EPYC: variants seen among roughly 807,000 people sequenced by gnomAD.
The protein encoded by EPYC is dermatan sulfate proteoglycan 3.
In EPYC, 28 loss-of-function variants were observed where a neutral mutation model predicts 30.1. That is an observed-to-expected ratio of 0.93 (90% CI 0.69 to 1.28). The LOEUF is 1.28. EPYC is among the 50% of genes most tolerant of loss of function. EPYC has a pLI of 0.00. For missense variants in EPYC, 382 were observed against 383.5 expected (o/e 1.00, Z 0.03); for synonymous variants, 144 against 141.4 (o/e 1.02, Z -0.13).
At chr12:90,968,132 G>C (rs1876946750) in intron 6 of EPYC, among the ~76,000 whole-genome samples, 1 of 152,016 alleles carries the variant, frequency 6.6e-6, no homozygotes, top group Non-Finnish European at 1.5e-5. Context: ...TATTGACCCT[G>C]ATGTATTAAC....
At chr12:90,994,858 T>G (rs975512545) in intron 2 of EPYC, among the ~76,000 whole-genome samples, 4 of 152,168 alleles carry the variant, frequency 2.6e-5, no homozygotes, top group Non-Finnish European at 5.9e-5. Flanking sequence ...ATTAAGGTTT[T>G]CATTAAACAA....
intron 6 of EPYC, among the ~76,000 whole-genome samples, chr12:90,969,466 A>C (rs184645465): frequency 6.6e-6 from 1 of 152,178 alleles, no homozygotes; most frequent in Admixed American, 6.5e-5. Context: ...GAATACTTCA[A>C]AGATAACATG....
At chr12:90,986,415 A>G (rs779140400) in intron 2 of EPYC, among the ~76,000 whole-genome samples, 19 of 152,170 alleles carry the variant, frequency 1.2e-4, no homozygotes, top group Non-Finnish European at 2.5e-4. Flanking sequence ...AGTATAGACT[A>G]GTGCAAAATC....
chr12:90,995,593 A>G (rs1181526807), intron 2 of EPYC, among the ~76,000 whole-genome samples: 1 of 151,906 alleles, frequency 6.6e-6, no homozygotes, highest in Non-Finnish European at 1.5e-5. Context: ...TCCTTATCAA[A>G]TGGTTACAAT....
At chr12:90,971,582 G>A (rs1010127888) in intron 5 of EPYC, among the ~76,000 whole-genome samples, 3 of 151,822 alleles carry the variant, frequency 2.0e-5, no homozygotes, top group African/African-American at 7.3e-5. Flanking sequence ...TGAGGCAGGA[G>A]GATCATCTGA....
intron 5 of EPYC, among the ~76,000 whole-genome samples, chr12:90,971,448 T>C (rs1281596246): frequency 6.6e-6 from 1 of 151,990 alleles, no homozygotes; most frequent in African/African-American, 2.4e-5. Context: ...AGCGGGAGGA[T>C]CACTGGAGCC....
chr12:90,964,630 A>G (rs1876849266), intron 6 of EPYC, among the ~76,000 whole-genome samples: 1 of 152,200 alleles, frequency 6.6e-6, no homozygotes, highest in African/African-American at 2.4e-5. Flanking sequence ...GATGACTATG[A>G]AAAGTTATCT....
At chr12:90,998,019 T>C (rs1310573952) in intron 2 of EPYC, among the ~76,000 whole-genome samples, 1 of 152,098 alleles carries the variant, frequency 6.6e-6, no homozygotes, top group Non-Finnish European at 1.5e-5. Flanking sequence ...TATTATGATA[T>C]ATAATTACTA....
intron 2 of EPYC, among the ~76,000 whole-genome samples, chr12:90,998,336 A>T (rs1488929979): frequency 2.0e-5 from 3 of 152,154 alleles, no homozygotes; most frequent in Admixed American, 1.3e-4. Flanking sequence ...CAATAAATGT[A>T]CTTACTGGGT....
chr12:90,970,049 G>C lies in EPYC; in HGVS notation c.793C>G (p.Leu265Val), dbSNP rs768155025. The C allele has an allele frequency of 1.2e-6, 2 of 1,612,894 alleles. No homozygotes were observed. Among genetic ancestry groups the C allele is most frequent in the South Asian group, 2.2e-5 (2 of 91,074 alleles). The change falls in exon 6 of 7, where the codon CTC (leucine) becomes GTC (valine). Residue 265 changes from leucine to valine, a missense_variant. Transcript: ENST00000261172. Reference sequence around the variant, plus strand: ...CCTTACTGGTAGACTCCTACCTGGAGGTGAAGGGCTCGTAGATTTTCTGGG... The same window carrying C: ...CCTTACTGGTAGACTCCTACCTGGACGTGAAGGGCTCGTAGATTTTCTGGG... ...PLPENLRALH[L>V]QNNNILEMHE...
At chr12:90,995,954 A>T (rs1478006834) in intron 2 of EPYC, among the ~76,000 whole-genome samples, 1 of 151,924 alleles carries the variant, frequency 6.6e-6, no homozygotes, top group Non-Finnish European at 1.5e-5. Context: ...GGAAAAAGAT[A>T]TTTAATTCAG....
Position 90,974,029 on chromosome 12 carries a change from T to TACACACACAC in EPYC, c.341-1050_341-1049insGTGTGTGTGT, listed in dbSNP as rs200299078. Among the ~76,000 whole-genome samples the TACACACACAC allele has an allele frequency of 2.4e-3, 193 of 81,112 alleles. 1 individual carries two copies. Among genetic ancestry groups the TACACACACAC allele is most frequent in the East Asian group, 4.7e-3 (11 of 2,344 alleles). The allele number at this position is 81,112 out of a possible 152,430, so 53.2% of individuals were successfully genotyped here. The stretch of plus-strand genomic sequence containing the variant: ...ACATACTGATTTTTCTTTTCTGTCT[T>TACACACACAC]ACACACACTCACACACACACACACA... On this transcript the variant is annotated intron_variant, in intron 3 of 6. Coordinates refer to ENST00000261172, the MANE Select transcript of EPYC (RefSeq NM_004950.5).
chr12:90,992,974 T>C (rs1877620277), intron 2 of EPYC, among the ~76,000 whole-genome samples: 1 of 148,730 alleles, frequency 6.7e-6, no homozygotes, highest in African/African-American at 2.5e-5. Flanking sequence ...TTTCTCCAAA[T>C]TGTGTTTGAG....
chr12:91,004,440 CTT>C, intron 1 of EPYC, among the ~76,000 whole-genome samples: 1 of 151,968 alleles, frequency 6.6e-6, no homozygotes, highest in East Asian at 1.9e-4. Flanking sequence ...TTAATTAACA[CTT>C]TAATTTTGTG....
intron 2 of EPYC, among the ~76,000 whole-genome samples, chr12:90,980,069 A>G (rs1476854084): frequency 6.6e-6 from 1 of 152,186 alleles, no homozygotes; most frequent in African/African-American, 2.4e-5. Flanking sequence ...TCTGTAGGTC[A>G]GAATGAGGCA....
At chr12:90,996,612 G>T (rs1236604916) in intron 2 of EPYC, among the ~76,000 whole-genome samples, 3 of 151,794 alleles carry the variant, frequency 2.0e-5, no homozygotes, top group African/African-American at 7.3e-5. Flanking sequence ...ATCTTCTAGA[G>T]TTTTAAAAAA....
intron 2 of EPYC, among the ~76,000 whole-genome samples, chr12:90,988,685 G>A (rs1342105862): frequency 1.3e-5 from 2 of 152,122 alleles, no homozygotes; most frequent in African/African-American, 2.4e-5. Context: ...ATTATGGCAA[G>A]TCTTATTAGT....
In EPYC at chr12:90,978,060, A is replaced by G. The variant is rs377150791; in HGVS notation, c.340+28T>C. 1.1e-5 allele frequency: 17 copies of G among 1,523,724 alleles called. No individual in the cohort carries two copies. The African/African-American group carries it at 1.9e-4, about 17-fold the overall frequency. The allele number at this position is 1,523,724 out of a possible 1,614,324, so 94.4% of individuals were successfully genotyped here. A position where few individuals can be genotyped will look rare whatever the true frequency, so the allele number is the denominator to read the frequency against. On this transcript the variant is annotated intron_variant, in intron 3 of 6. Coordinates refer to ENST00000261172, the MANE Select transcript of EPYC (RefSeq NM_004950.5). The stretch of plus-strand genomic sequence containing the variant: ...TTTTGAGGATGACAAAGTGGACTCA[A>G]TTGTAATTCTGCTTTGAGGTACCTG...
chr12:90,974,065 CA>C, intron 3 of EPYC, among the ~76,000 whole-genome samples: 1 of 150,782 alleles, frequency 6.6e-6, no homozygotes, highest in Non-Finnish European at 1.5e-5. Context: ...CACACACACA[CA>C]CACACACCCC....
Sources: allele counts gnomAD v4.1 joint callset (sites outside exome capture counted in the v4.1 genomes callset), GRCh38; gene constraint gnomAD v4.1.1; transcripts MANE v1.5; gene names NCBI Gene and HGNC (gene_info 2026-07-23, HGNC 2026-07-21).